The following RNF213 variants were observed in gnomAD, a reference collection of about 807,000 sequenced individuals.
RNF213 encodes the protein ring finger protein 213.
A neutral mutation model predicts 514.4 loss-of-function variants in RNF213; 341 were observed. The ratio of observed to expected loss-of-function variants is 0.66; its 90% CI spans 0.61 to 0.73. The LOEUF is 0.73. RNF213 is among the 30% of genes least tolerant of loss of function. The pLI, the probability that RNF213 is intolerant of heterozygous loss-of-function variation, is 0.00. For missense variants in RNF213, 5,767 were observed against 6,615.6 expected (o/e 0.87, Z 4.45); for synonymous variants, 2,655 against 2,658.2 (o/e 1.00, Z 0.04).
intron 3 of RNF213, among the ~76,000 whole-genome samples, chr17:80,281,333 C>CT (rs2044263014): frequency 1.8e-5 from 1 of 55,174 alleles, no homozygotes; most frequent in Admixed American, 2.0e-4. Context: ...CACTCACACA[C>CT]GCCCCCACAC....
rs1236479982 is a variant in RNF213, at chr17:80,332,081, G to C, written c.3593G>C (p.Arg1198Thr). Residue 1198 changes from arginine (R) to threonine (T), a missense_variant, in exon 21 of 68, where the codon AGA (arginine) becomes ACA (threonine). Around this residue, in one of 13 missense-constraint regions of RNF213, gnomAD observed 516 missense variants for 566.5 expected, o/e 0.91. Transcript: ENST00000582970. ...SKRLNDTVTV[R>T]LSTSSNSQRA... ...AGATTAAATGACACCGTGACAGTGAGACTGTCCACCTCCTCGAACTCGCAG... is the reference window on the plus strand; with the variant it reads ...AGATTAAATGACACCGTGACAGTGACACTGTCCACCTCCTCGAACTCGCAG... 2 of 1,537,074 alleles carry C rather than the reference G, an allele frequency of 1.3e-6. No homozygotes were observed. Among genetic ancestry groups the C allele is most frequent in the African/African-American group, 2.7e-5 (2 of 73,026 alleles).
Position 80,288,455 on chromosome 17 carries a change from G to C in RNF213, c.810+92G>C. The C allele has an allele frequency of 1.3e-6, 2 of 1,594,118 alleles. No homozygotes were observed. The highest frequency in any genetic ancestry group is 1.7e-5 in the Admixed American group (1 of 59,950). The stretch of plus-strand genomic sequence containing the variant: ...GGTGCTGGCGTTGCTTCCCTGCCGG[G>C]GGGAGGGGCGTCCTCTGGGCCCTGC... On this transcript the variant is annotated intron_variant, in intron 4 of 67. Coordinates refer to ENST00000582970, the MANE Select transcript of RNF213 (RefSeq NM_001256071.3). This position sits in a 1 kb window ranked among gnomAD's most constrained non-coding sequence, Gnocchi z 4.9.
intron 16 of RNF213, among the ~76,000 whole-genome samples, 165 bp from the exon 17 acceptor site, chr17:80,319,025 G>GT (rs2046046301): frequency 6.6e-6 from 1 of 152,168 alleles, no homozygotes. Context: ...TGGTCTACTG[G>GT]TGGGGGGCAG....
At chr17:80,281,982 G>A (rs911489229) in intron 3 of RNF213, among the ~76,000 whole-genome samples, 1 of 151,880 alleles carries the variant, frequency 6.6e-6, no homozygotes. Context: ...TCAGCCTCCC[G>A]AGCAGCTGGG....
intron 17 of RNF213, chr17:80,320,119 T>C: frequency 1.6e-6 from 1 of 617,808 alleles, no homozygotes; most frequent in Middle Eastern, 8.0e-4. Flanking sequence ...TCACCACAGT[T>C]AATGACAGAG....
intron 17 of RNF213, among the ~76,000 whole-genome samples, chr17:80,323,911 A>G (rs1000688487): frequency 3.9e-4 from 59 of 152,080 alleles, no homozygotes; most frequent in African/African-American, 1.4e-3. Context: ...GTCTAGACAC[A>G]CAGTGCTCCA....
In RNF213 at chr17:80,374,441, T is replaced by TGG. The variant is rs2079659025; in HGVS notation, c.12943-17_12943-16insGG. The TGG allele has an allele frequency of 6.2e-7, 1 of 1,613,908 alleles. No individual in the cohort carries two copies. Among genetic ancestry groups the TGG allele is most frequent in the Admixed American group, 1.7e-5 (1 of 60,000 alleles). ...ATTCCTCCCATTGTTCACCCCCAAC[T>TGG]AACCTCTGTATTCCAGGGGCTGCGG... On this transcript the variant is annotated splice_polypyrimidine_tract_variant and intron_variant, in intron 49 of 67. Coordinates refer to ENST00000582970, the MANE Select transcript of RNF213 (RefSeq NM_001256071.3).
At chr17:80,337,434 G>C (rs2144036234) in intron 23 of RNF213, 152 bp from the exon 24 acceptor site, 2 of 925,830 alleles carry the variant, frequency 2.2e-6, no homozygotes, top group South Asian at 3.5e-5. Context: ...GGTCCAGCTG[G>C]GGCGCTGGGT....
intron 2 of RNF213, among the ~76,000 whole-genome samples, chr17:80,266,919 G>A (rs893583675): frequency 2.6e-5 from 4 of 152,152 alleles, no homozygotes; most frequent in Non-Finnish European, 5.9e-5. Flanking sequence ...GGTTAGCCAA[G>A]TTGTAAATGC....
rs376793820 is a variant in RNF213 at position 80,290,703 on chromosome 17, A to C, written c.1246A>C (p.Asn416His). 3.2e-5 allele frequency: 51 copies of C among 1,614,044 alleles called. No homozygotes were observed. The highest frequency in any genetic ancestry group is 4.2e-5 in the Non-Finnish European group (49 of 1,180,024). ...ATTTGGGGAGTCAAAATGGGACAGC[A>C]ATATCTGTGAGCTGCACTACACCAG... ...EEFGESKWDS[N>H]ICELHYTRDL... is the part of the protein sequence containing the mutation. The change falls in exon 7 of 68, where the codon AAT becomes CAT. Residue 416 changes from asparagine to histidine, a missense_variant. Physicochemically the swap from Asn to His is moderately conservative, Grantham distance 68. This residue lies in a region of RNF213 where 592 missense variants were observed against 673.9 expected (regional missense o/e 0.88). Transcript: ENST00000582970.
chr17:80,394,391 G>A lies in RNF213; in HGVS notation c.*893G>A, dbSNP rs1312726482. 1 of 152,134 alleles carries A rather than the reference G, an allele frequency of 6.6e-6. No homozygotes were observed. Among genetic ancestry groups the A allele is most frequent in the Non-Finnish European group, 1.5e-5 (1 of 68,026 alleles). 9.4% of individuals were successfully genotyped at this position (152,134 alleles called of 1,614,324 possible). On this transcript the variant is annotated 3_prime_UTR_variant, in exon 68 of 68. Coordinates refer to ENST00000582970, the MANE Select transcript of RNF213 (RefSeq NM_001256071.3). Reference sequence around the variant, plus strand: ...GTATGAATATCTAGTCCTTTCTGTGGTTCTCAGCCAAGACATAAAAACTAG... The same window carrying A: ...GTATGAATATCTAGTCCTTTCTGTGATTCTCAGCCAAGACATAAAAACTAG...
chr17:80,303,815 C>T (rs1280168490), intron 11 of RNF213, among the ~76,000 whole-genome samples: 5 of 151,558 alleles, frequency 3.3e-5, no homozygotes, highest in Non-Finnish European at 7.4e-5. Context: ...AGTGATCTGC[C>T]CGCCTCAGCC....
At position 80,287,992 on chromosome 17, in the gene RNF213, C is replaced by T; in HGVS notation, c.439C>T (p.Pro147Ser). Reference sequence around the variant, plus strand: ...CCAGCAGAGTGGCCCCACTGGCCAGCCGAGCCAGCCCCCAGGCACAGCCAC... The same window carrying T: ...CCAGCAGAGTGGCCCCACTGGCCAGTCGAGCCAGCCCCCAGGCACAGCCAC... ...QAQQSGPTGQ[P>S]SQPPGTATTP... Residue 147 changes from proline to serine, a missense_variant, in exon 4 of 68, where the codon CCG becomes TCG. Physicochemically the swap from Pro to Ser is moderately conservative, Grantham distance 74. Transcript: ENST00000582970. 6.3e-7 allele frequency: 1 copy of T among 1,581,550 alleles called. No homozygotes were observed. The highest frequency in any genetic ancestry group is 2.3e-5 in the East Asian group (1 of 43,172).
In RNF213 at chr17:80,372,625, C is replaced by T; in HGVS notation, c.12642C>T (p.Gly4214=). The change falls in exon 48 of 68, where the codon GGC becomes GGT. Residue 4214 remains glycine, a synonymous_variant. Transcript: ENST00000582970. ...FLKAYSPASR[G]REPANEASVE... ...AGGCATATTCTCCAGCAAGCCGGGG[C>T]CGAGAGCCTGCCAACGAGGCCTCGG... 1 of 1,614,046 alleles carries T rather than the reference C, an allele frequency of 6.2e-7. No individual in the cohort carries two copies.
chr17:80,372,182 C>T (rs942105287), intron 47 of RNF213, among the ~76,000 whole-genome samples, 197 bp downstream of exon 47: 2 of 152,240 alleles, frequency 1.3e-5, no homozygotes, highest in Non-Finnish European at 2.9e-5. Context: ...ACATACAAAA[C>T]AGAACAGCCT....
In RNF213 at chr17:80,295,573, G is replaced by A. The variant is rs1403694131; in HGVS notation, c.1772G>A (p.Trp591Ter). 1 of 1,614,140 alleles carries A rather than the reference G, an allele frequency of 6.2e-7. No homozygotes were observed. Among genetic ancestry groups the A allele is most frequent in the Non-Finnish European group, 8.5e-7 (1 of 1,180,016 alleles). The part of the protein sequence containing the change: ...YREKEVKRYL[W>*]QHLKKHVVPL... ...CACCATCAGGTGAAGAGATACCTGT[G>A]GCAACATCTGAAAAAACACGTGGTA... Residue 591 changes from tryptophan to a stop codon, truncating the protein, a stop_gained, in exon 10 of 68, where the codon TGG (tryptophan) becomes TAG (stop). Coordinates refer to ENST00000582970, the MANE Select transcript of RNF213 (RefSeq NM_001256071.3). LOFTEE classifies it high-confidence loss of function.
intron 18 of RNF213, 104 bp from the exon 19 acceptor site, chr17:80,327,712 G>A (rs2046315838): frequency 1.0e-6 from 1 of 964,974 alleles, no homozygotes; most frequent in Non-Finnish European, 1.5e-6. Context: ...CTGTGTTTGA[G>A]GAAGTGGGGG....
chr17:80,352,891 C>T (rs763215895), intron 32 of RNF213, 49 bp from the exon 33 acceptor site: 11 of 1,613,024 alleles, frequency 6.8e-6, no homozygotes, highest in Non-Finnish European at 3.4e-6. Context: ...GGCTGAGCAG[C>T]AGCCGGGAAA....
intron 17 of RNF213, among the ~76,000 whole-genome samples, chr17:80,323,081 AG>A (rs1362622628): frequency 6.6e-6 from 1 of 152,108 alleles, no homozygotes; most frequent in Non-Finnish European, 1.5e-5. Flanking sequence ...GTGTGAGGTA[AG>A]GGTTCTGTTT....
Sources: gnomAD v4.1 joint callset for allele counts (sites outside exome capture counted in the v4.1 genomes callset) on GRCh38, gnomAD v4.1.1 for gene constraint, gnomAD v4.1.1 regional missense constraint, Gnocchi (gnomAD v3.1) non-coding constraint, MANE v1.5 for transcripts, NCBI Gene and HGNC (gene_info 2026-07-23, HGNC 2026-07-21) for gene names.